Variants in TACR3 observed in about 807,000 individuals in gnomAD.
The protein encoded by TACR3 is tachykinin receptor 3, also known as neuromedin-K receptor.
TACR3 carries 34 observed loss-of-function variants against 35.0 expected under a neutral mutation model. The observed-to-expected ratio is 0.97, with a 90% confidence interval of 0.74 to 1.30. TACR3 has a LOEUF of 1.30. Ranked by LOEUF, TACR3 falls within the 50% of genes most tolerant of loss-of-function variation. TACR3 has a pLI of 0.00. For synonymous variants in TACR3, 233 were observed against 221.1 expected (o/e 1.05, Z -0.48); for missense variants, 558 against 591.7 (o/e 0.94, Z 0.59).
chr4:103,624,593 T>A (rs1724850449), intron 3 of TACR3: 1 of 152,144 alleles, frequency 6.6e-6, no homozygotes, highest in Non-Finnish European at 1.5e-5. Context: ...AGCAAAGTAG[T>A]AGAAGAAAGT....
intron 3 of TACR3, among the ~76,000 whole-genome samples, chr4:103,645,443 G>A (rs931369385): frequency 1.3e-5 from 2 of 151,008 alleles, no homozygotes; most frequent in African/African-American, 4.9e-5. Context: ...TGTTGCTGCT[G>A]TTGTCACTTT....
At chr4:103,660,541 C>G (rs183714653) in intron 1 of TACR3, among the ~76,000 whole-genome samples, 1 of 151,934 alleles carries the variant, frequency 6.6e-6, no homozygotes, top group African/African-American at 2.4e-5. Context: ...CACACACACA[C>G]ACACACAACA....
At chr4:103,667,456 T>C (rs1419736302) in intron 1 of TACR3, among the ~76,000 whole-genome samples, 1 of 152,214 alleles carries the variant, frequency 6.6e-6, no homozygotes, top group African/African-American at 2.4e-5. Flanking sequence ...TTATTGTATA[T>C]TTCTAAATAA....
intron 3 of TACR3, among the ~76,000 whole-genome samples, chr4:103,599,869 G>C (rs1443006814): frequency 6.6e-6 from 1 of 152,136 alleles, no homozygotes; most frequent in East Asian, 1.9e-4. Context: ...GTATTTTATT[G>C]AGGATTTTTG....
At chr4:103,618,298 T>C (rs1277465660) in intron 3 of TACR3, among the ~76,000 whole-genome samples, 1 of 152,206 alleles carries the variant, frequency 6.6e-6, no homozygotes, top group Non-Finnish European at 1.5e-5. Flanking sequence ...TGCATATGGC[T>C]AGCTAGTTAT....
At chr4:103,619,635 A>G (rs926798418) in intron 3 of TACR3, among the ~76,000 whole-genome samples, 6 of 152,136 alleles carry the variant, frequency 3.9e-5, no homozygotes, top group African/African-American at 1.4e-4. Flanking sequence ...TGCCCATTCA[A>G]TATGATGTTG....
chr4:103,635,532 T>C lies in TACR3; in HGVS notation c.888+20662A>G, dbSNP rs147230886. Among the ~76,000 whole-genome samples, 971 of 152,118 alleles carry C rather than the reference T, an allele frequency of 6.4e-3. 7 individuals are homozygous for C. Among genetic ancestry groups the C allele is most frequent in the African/African-American group, 0.017 (695 of 41,552 alleles). ...CCATGCTTAATATAAAGTGGGTTGC[T>C]TTGGTGACTTGCTTAACGTCAATGG... On this transcript the variant is annotated intron_variant, in intron 3 of 4. Transcript: ENST00000304883.
At chr4:103,650,522 G>T (rs1265406449) in intron 3 of TACR3, among the ~76,000 whole-genome samples, 6 of 115,230 alleles carry the variant, frequency 5.2e-5, no homozygotes, top group African/African-American at 9.4e-5. Context: ...ATATAAATAT[G>T]TATTATTTAT....
intron 3 of TACR3, among the ~76,000 whole-genome samples, chr4:103,608,818 G>A (rs147338543): frequency 6.6e-6 from 1 of 152,094 alleles, no homozygotes; most frequent in Admixed American, 6.6e-5. Context: ...ATATCAAATG[G>A]ATTTGTAAGT....
chr4:103,709,769 A>G (rs1560540841), intron 1 of TACR3, among the ~76,000 whole-genome samples: 1 of 152,148 alleles, frequency 6.6e-6, no homozygotes, highest in Non-Finnish European at 1.5e-5. Flanking sequence ...CCCATGTCAC[A>G]TGCAGAGACA....
intron 3 of TACR3, among the ~76,000 whole-genome samples, chr4:103,593,696 A>G (rs1205745343): frequency 6.6e-6 from 1 of 152,130 alleles, no homozygotes; most frequent in Non-Finnish European, 1.5e-5. Flanking sequence ...CATGATTCCC[A>G]GGGCTTAAGT....
At chr4:103,687,856 C>G (rs1384746826) in intron 1 of TACR3, among the ~76,000 whole-genome samples, 1 of 152,146 alleles carries the variant, frequency 6.6e-6, no homozygotes, top group Non-Finnish European at 1.5e-5. Flanking sequence ...CCATCCCCAT[C>G]AAGCTACCAA....
chr4:103,603,534 G>C (rs999015052), intron 3 of TACR3, among the ~76,000 whole-genome samples: 1 of 152,150 alleles, frequency 6.6e-6, no homozygotes, highest in South Asian at 2.1e-4. Flanking sequence ...AGTATTCCAT[G>C]GTGTATATGT....
intron 1 of TACR3, among the ~76,000 whole-genome samples, chr4:103,684,789 G>T (rs1239223626): frequency 6.6e-6 from 1 of 151,904 alleles, no homozygotes; most frequent in Non-Finnish European, 1.5e-5. Flanking sequence ...GGTCACTTGA[G>T]GCCAGGAGCT....
intron 3 of TACR3, among the ~76,000 whole-genome samples, chr4:103,634,777 C>A (rs1372810444): frequency 6.6e-6 from 1 of 152,034 alleles, no homozygotes; most frequent in Non-Finnish European, 1.5e-5. Context: ...TCTCAGTATC[C>A]ATAGCTAATA....
At chr4:103,622,654 G>A (rs562171281) in intron 3 of TACR3, among the ~76,000 whole-genome samples, 7 of 152,242 alleles carry the variant, frequency 4.6e-5, no homozygotes, top group South Asian at 2.1e-4. Flanking sequence ...GCGTGAACCC[G>A]GGAAGCGGAG....
chr4:103,608,978 A>G (rs1373395796), intron 3 of TACR3, among the ~76,000 whole-genome samples: 1 of 152,136 alleles, frequency 6.6e-6, no homozygotes, highest in Non-Finnish European at 1.5e-5. Flanking sequence ...AGGCAATGTC[A>G]TTAGCTAAAT....
At chr4:103,676,853 T>C (rs1022671924) in intron 1 of TACR3, among the ~76,000 whole-genome samples, 3 of 151,966 alleles carry the variant, frequency 2.0e-5, no homozygotes, top group African/African-American at 7.3e-5. Context: ...AAAGCAAAAA[T>C]AGACAAAAGG....
At chr4:103,700,863 A>G (rs1722634258) in intron 1 of TACR3, among the ~76,000 whole-genome samples, 4 of 152,220 alleles carry the variant, frequency 2.6e-5, no homozygotes, top group Admixed American at 2.6e-4. Context: ...CTTCATGCTA[A>G]AAACTCAATA....
Sources: allele counts gnomAD v4.1 joint callset (sites outside exome capture counted in the v4.1 genomes callset), GRCh38; gene constraint gnomAD v4.1.1; transcripts MANE v1.5; gene names NCBI Gene and HGNC (gene_info 2026-07-23, HGNC 2026-07-21).